The following TMEM132B variants were observed in gnomAD, a reference collection of about 807,000 sequenced individuals.
The protein encoded by TMEM132B is transmembrane protein 132B.
In TMEM132B, 18 loss-of-function variants were observed where a neutral mutation model predicts 90.8. The ratio of observed to expected loss-of-function variants is 0.20; its 90% CI spans 0.14 to 0.29. The LOEUF is 0.29. Among genes scored for constraint, TMEM132B ranks in the 10% least tolerant of loss-of-function variants. The pLI is 1.00. For synonymous variants in TMEM132B, 504 were observed against 523.3 expected (o/e 0.96, Z 0.50); for missense variants, 1,096 against 1,326.8 (o/e 0.83, Z 2.70).
At chr12:125,507,354 C>T (rs1016954198) in intron 3 of TMEM132B, among the ~76,000 whole-genome samples, 1 of 152,120 alleles carries the variant, frequency 6.6e-6, no homozygotes, top group African/African-American at 2.4e-5. Flanking sequence ...ACTGGGCTTA[C>T]AATCTAGTGG....
intron 2 of TMEM132B, among the ~76,000 whole-genome samples, chr12:125,411,661 G>A (rs562671374): frequency 2.1e-4 from 32 of 151,802 alleles, no homozygotes; most frequent in African/African-American, 6.3e-4. Context: ...CCAGTTGACC[G>A]GGGGAAGGTA....
At chr12:125,517,216 A>T (rs2136652585) in intron 3 of TMEM132B, among the ~76,000 whole-genome samples, 1 of 150,546 alleles carries the variant, frequency 6.6e-6, no homozygotes, top group South Asian at 2.1e-4. Flanking sequence ...GCTGGAGTGC[A>T]GCGGTGTGAT....
intron 1 of TMEM132B, among the ~76,000 whole-genome samples, chr12:125,282,251 C>G (rs4765245): frequency 0.17 from 25,471 of 151,946 alleles, 2,722 homozygotes; most frequent in African/African-American, 0.3. Flanking sequence ...CTCCCTGCCC[C>G]CTGCGATGCT....
intron 1 of TMEM132B, among the ~76,000 whole-genome samples, chr12:125,307,361 A>C (rs139143744): frequency 4.8e-4 from 73 of 152,238 alleles, no homozygotes; most frequent in Non-Finnish European, 9.6e-4. Flanking sequence ...TTTAAATACG[A>C]CTAATGTGTT....
rs1281371763 is a variant in TMEM132B, at chr12:125,595,811, T to C, written c.1437+11817T>C. ...TTCTAGACCACTGCATTAAAGAGAG[T>C]GAAATTTCACATTGAACCCAGCCCC... On this transcript the variant is annotated intron_variant, in intron 5 of 8. Coordinates refer to ENST00000682704, the MANE Select transcript of TMEM132B (RefSeq NM_001366854.1). Among the ~76,000 whole-genome samples, 4 of 151,660 alleles carry C rather than the reference T, an allele frequency of 2.6e-5. No individual in the cohort carries two copies. In the East Asian group the frequency reaches 5.8e-4, roughly 22 times the overall value.
chr12:125,614,511 A>G (rs1885941621), intron 5 of TMEM132B, among the ~76,000 whole-genome samples: 1 of 152,078 alleles, frequency 6.6e-6, no homozygotes, highest in Non-Finnish European at 1.5e-5. Flanking sequence ...TATCCAGTCT[A>G]CCACTGATGG....
intron 5 of TMEM132B, among the ~76,000 whole-genome samples, chr12:125,626,509 A>G (rs1031169451): frequency 5.3e-5 from 8 of 152,112 alleles, no homozygotes; most frequent in African/African-American, 1.9e-4. Context: ...AATTATCTTA[A>G]GCTTTTGTCT....
At chr12:125,494,308 C>G (rs1308700986) in intron 3 of TMEM132B, among the ~76,000 whole-genome samples, 6 of 106,840 alleles carry the variant, frequency 5.6e-5, no homozygotes, top group African/African-American at 1.8e-4. Flanking sequence ...CTGGAAATGG[C>G]CACGCCCCTC....
At chr12:125,517,876 C>G (rs1479645539) in intron 3 of TMEM132B, among the ~76,000 whole-genome samples, 2 of 152,190 alleles carry the variant, frequency 1.3e-5, no homozygotes, top group African/African-American at 4.8e-5. Context: ...CAACATGTCA[C>G]CAAGGGCCAC....
chr12:125,222,790 C>T (rs1387750024), intron 1 of TMEM132B, among the ~76,000 whole-genome samples: 1 of 152,218 alleles, frequency 6.6e-6, no homozygotes, highest in Non-Finnish European at 1.5e-5. Context: ...ACCACCCACC[C>T]TGCAGTGTGA....
At chr12:125,380,484 C>T (rs1011189609) in intron 2 of TMEM132B, among the ~76,000 whole-genome samples, 27 of 152,198 alleles carry the variant, frequency 1.8e-4, no homozygotes, top group Non-Finnish European at 3.2e-4. Context: ...AAGATGAGTG[C>T]ATCCTTCCAG....
At chr12:125,300,233 G>A (rs762654745) in intron 1 of TMEM132B, among the ~76,000 whole-genome samples, 2 of 151,822 alleles carry the variant, frequency 1.3e-5, no homozygotes, top group Admixed American at 6.6e-5. Flanking sequence ...ATAAGGTCTC[G>A]CTGTGCTGCC....
intron 1 of TMEM132B, among the ~76,000 whole-genome samples, chr12:125,242,605 C>A (rs957327756): frequency 6.6e-6 from 1 of 152,228 alleles, no homozygotes; most frequent in African/African-American, 2.4e-5. Flanking sequence ...GTCCCTTTCC[C>A]TCTCCACATT....
At chr12:125,253,418 T>C (rs1874358829) in intron 1 of TMEM132B, among the ~76,000 whole-genome samples, 1 of 151,934 alleles carries the variant, frequency 6.6e-6, no homozygotes, top group African/African-American at 2.4e-5. Flanking sequence ...TCATTTTCTT[T>C]TTTCTTTCCC....
At position 125,662,333 on chromosome 12, in the gene TMEM132B, A is replaced by C. The variant is rs998406231; in HGVS notation, c.*7623A>C. 2 of 152,200 alleles carry C rather than the reference A, an allele frequency of 1.3e-5. No homozygotes were observed. Among genetic ancestry groups the C allele is most frequent in the Admixed American group, 1.3e-4 (2 of 15,284 alleles). 9.4% of individuals were successfully genotyped at this position (152,200 alleles called of 1,614,324 possible). On this transcript the variant is annotated 3_prime_UTR_variant, in exon 9 of 9. Coordinates refer to ENST00000682704, the MANE Select transcript of TMEM132B (RefSeq NM_001366854.1). Reference sequence around the variant, plus strand: ...AATGTCTCTGTAAAGGCACTTCCAAACATTTTGAAAACGAAGAAATAAAAC... The same window carrying C: ...AATGTCTCTGTAAAGGCACTTCCAACCATTTTGAAAACGAAGAAATAAAAC...
At chr12:125,419,272 G>A (rs1465673571) in intron 3 of TMEM132B, among the ~76,000 whole-genome samples, 1 of 152,224 alleles carries the variant, frequency 6.6e-6, no homozygotes, top group Non-Finnish European at 1.5e-5. Flanking sequence ...TACTGTATTA[G>A]TCTGTTCTCA....
At chr12:125,495,642 C>G (rs949537701) in intron 3 of TMEM132B, among the ~76,000 whole-genome samples, 2 of 152,182 alleles carry the variant, frequency 1.3e-5, no homozygotes, top group Non-Finnish European at 2.9e-5. Context: ...AAGTGGAATC[C>G]TGGTTCCTGC....
chr12:125,575,858 ATC>A (rs1190107299), intron 4 of TMEM132B, among the ~76,000 whole-genome samples: 1 of 152,126 alleles, frequency 6.6e-6, no homozygotes, highest in Non-Finnish European at 1.5e-5. Context: ...CTTGTTGAAA[ATC>A]AATCTGCTGA....
At chr12:125,455,819 G>A (rs565918040) in intron 3 of TMEM132B, among the ~76,000 whole-genome samples, 2 of 152,162 alleles carry the variant, frequency 1.3e-5, no homozygotes, top group Admixed American at 1.3e-4. Flanking sequence ...TGTTGCATTT[G>A]CTGCTTTTAT....
Sources: gnomAD v4.1 joint callset for allele counts (sites outside exome capture counted in the v4.1 genomes callset) on GRCh38, gnomAD v4.1.1 for gene constraint, MANE v1.5 for transcripts, NCBI Gene and HGNC (gene_info 2026-07-23, HGNC 2026-07-21) for gene names.